Variants in GPR180 observed in about 807,000 individuals in gnomAD.
GPR180 encodes the protein integral membrane protein GPR180.
In GPR180, 53 loss-of-function variants were observed where a neutral mutation model predicts 52.6. The observed-to-expected ratio is 1.01, with a 90% CI of 0.81 to 1.27. GPR180 has a LOEUF of 1.27. GPR180 is among the 50% of genes most tolerant of loss of function. GPR180 has a pLI of 0.00. For missense variants in GPR180, 533 were observed against 527.0 expected, an observed-to-expected ratio of 1.01 and a Z score of -0.11; for synonymous variants, 200 against 193.1, an observed-to-expected ratio of 1.04 and a Z score of -0.30.
chr13:94,612,274 A>G lies in GPR180; in HGVS notation c.389A>G (p.Tyr130Cys), dbSNP rs1307062675. 1.6e-5 allele frequency: 26 copies of G among 1,613,848 alleles called. No individual in the cohort carries two copies. Among genetic ancestry groups the G allele is most frequent in the African/African-American group, 2.7e-5 (2 of 74,936 alleles). Residue 130 changes from tyrosine to cysteine, a missense_variant, in exon 3 of 9, where the codon TAT becomes TGT. Tyr to Cys is a radical substitution (Grantham distance 194, BLOSUM62 -2). Transcript: ENST00000376958. ...QTWHVFYADK[Y>C]TCQDDKENSQ... ...TGGCATGTGTTTTATGCAGACAAGTATACATGCCAAGATGACAAGGAGAAT... is the reference window on the plus strand; with the variant it reads ...TGGCATGTGTTTTATGCAGACAAGTGTACATGCCAAGATGACAAGGAGAAT...
intron 7 of GPR180, 151 bp downstream of exon 7, chr13:94,623,451 CAAGACAGACA>C: frequency 3.4e-6 from 2 of 591,156 alleles, no homozygotes; most frequent in Non-Finnish European, 5.8e-6. Flanking sequence ...TTTGGAAGGC[CAAGACAGACA>C]GATTGCTTGA....
rs1889973215 is a variant in GPR180 at position 94,629,931 on chromosome 13, T to A, written c.*2760T>A. 1 of 152,212 alleles carries A rather than the reference T, an allele frequency of 6.6e-6. No individual in the cohort carries two copies. The highest frequency in any genetic ancestry group is 2.4e-5 in the African/African-American group (1 of 41,446). The allele number at this position is 152,212 out of a possible 1,614,324, so 9.4% of individuals were successfully genotyped here. ...AACATGAACATGGGCTCCTTCAGCATGTTTCTTCTAGGAGACTGCACGTTC... is the reference window on the plus strand; with the variant it reads ...AACATGAACATGGGCTCCTTCAGCAAGTTTCTTCTAGGAGACTGCACGTTC... On this transcript the variant is annotated 3_prime_UTR_variant, in exon 9 of 9. Coordinates refer to ENST00000376958, the MANE Select transcript of GPR180 (RefSeq NM_180989.6).
In GPR180 at chr13:94,607,674, G is replaced by A. The variant is rs951733396; in HGVS notation, c.304+2125G>A. The stretch of plus-strand genomic sequence containing the variant: ...CTTCTGGTGTGTTCATTCACTGAGC[G>A]CTTCCACTGTTTCATGTACTGCTAG... On this transcript the variant is annotated intron_variant, in intron 2 of 8. Transcript: ENST00000376958. Among the ~76,000 whole-genome samples, 24 of 151,864 alleles carry A rather than the reference G, an allele frequency of 1.6e-4. 1 individual carries two copies. In the South Asian group the frequency reaches 2.7e-3, roughly 17 times the overall value.
chr13:94,602,347 C>T lies in GPR180; in HGVS notation c.145+275C>T, dbSNP rs187679024. 3.9e-5 allele frequency among the ~76,000 whole-genome samples: 6 copies of T among 152,364 alleles called. No homozygotes were observed. In the East Asian group the frequency reaches 9.6e-4, roughly 24 times the overall value. On this transcript the variant is annotated intron_variant, in intron 1 of 8. Transcript: ENST00000376958. ...AAAGCTGGTTTCCATTTCCCCAACC[C>T]TCCCCTTGGAAGCCAATGTGCAAAA...
At chr13:94,604,385 C>T (rs955860756) in intron 1 of GPR180, among the ~76,000 whole-genome samples, 6 of 149,282 alleles carry the variant, frequency 4.0e-5, no homozygotes, top group Non-Finnish European at 7.4e-5. Context: ...CATGGTGAAA[C>T]GCTGTCTCTA....
chr13:94,615,658 T>C (rs1204501901), intron 3 of GPR180, among the ~76,000 whole-genome samples: 5 of 152,208 alleles, frequency 3.3e-5, no homozygotes, highest in Admixed American at 6.5e-5. Flanking sequence ...GTTAACTGTA[T>C]TTGTACTCTA....
intron 7 of GPR180, among the ~76,000 whole-genome samples, chr13:94,624,198 T>G (rs969615588): frequency 2.0e-5 from 3 of 152,126 alleles, no homozygotes; most frequent in African/African-American, 7.2e-5. Context: ...TATAGAACCT[T>G]CCCTCCCTAG....
chr13:94,613,754 C>T (rs979666769), intron 3 of GPR180, among the ~76,000 whole-genome samples: 1 of 151,836 alleles, frequency 6.6e-6, no homozygotes, highest in Admixed American at 6.6e-5. Context: ...CCTTTCATTT[C>T]CTTAATCTTT....
intron 5 of GPR180, among the ~76,000 whole-genome samples, chr13:94,620,346 C>T (rs1889836125): frequency 6.6e-6 from 1 of 152,170 alleles, no homozygotes; most frequent in East Asian, 1.9e-4. Context: ...TAAATGCTAC[C>T]TCATAAAATA....
At chr13:94,626,905 GAT>G (rs908304584) in intron 8 of GPR180, 106 bp from the exon 9 acceptor site, 4 of 790,342 alleles carry the variant, frequency 5.1e-6, no homozygotes, top group Admixed American at 6.9e-5. Context: ...AAAGATGAAA[GAT>G]AGAGTATTGT....
chr13:94,627,374 C>A lies in GPR180; in HGVS notation c.*203C>A. ...AATGTTTTGAAATATACTTAAACAACAAACTTTGAAGAAAGTGTTGTTATA... is the reference window on the plus strand; with the variant it reads ...AATGTTTTGAAATATACTTAAACAAAAAACTTTGAAGAAAGTGTTGTTATA... On this transcript the variant is annotated 3_prime_UTR_variant, in exon 9 of 9. Transcript: ENST00000376958. 2.1e-6 allele frequency: 1 copy of A among 468,206 alleles called. No individual in the cohort carries two copies. Among genetic ancestry groups the A allele is most frequent in the Non-Finnish European group, 3.7e-6 (1 of 270,040 alleles). 29.0% of individuals were successfully genotyped at this position (468,206 alleles called of 1,614,324 possible).
chr13:94,631,677 A>G lies in GPR180; in HGVS notation c.*4506A>G, dbSNP rs1890000723. 6.7e-6 allele frequency: 1 copy of G among 150,196 alleles called. No individual in the cohort carries two copies. 9.3% of individuals were successfully genotyped at this position (150,196 alleles called of 1,614,324 possible). The stretch of plus-strand genomic sequence containing the variant: ...TGAAGGCAATGCTGAAAAAGTTCCA[A>G]ATCTGTACTTAACAGTGTAGTATTA... On this transcript the variant is annotated 3_prime_UTR_variant, in exon 9 of 9. Transcript: ENST00000376958.
Position 94,630,268 on chromosome 13 carries a change from G to A in GPR180, c.*3097G>A, listed in dbSNP as rs1004181389. The A allele has an allele frequency of 3.3e-5, 5 of 152,130 alleles. No homozygotes were observed. The highest frequency in any genetic ancestry group is 1.2e-4 in the African/African-American group (5 of 41,426). 9.4% of individuals were successfully genotyped at this position (152,130 alleles called of 1,614,324 possible). On this transcript the variant is annotated 3_prime_UTR_variant, in exon 9 of 9. Transcript: ENST00000376958. ...GGCAGCCTTCTGCACAGCTCCAGGG[G>A]CATCATATGTGTTGTGCTGTAGGAG...
rs1890013440 is a variant in GPR180 at position 94,632,627 on chromosome 13, A to G, written c.*5456A>G. ...GCCAAGACTTCCTTCCCTCCTCCCA[A>G]AATGCCTCCACTCCAGGTTCCAGGT... On this transcript the variant is annotated 3_prime_UTR_variant, in exon 9 of 9. Coordinates refer to ENST00000376958, the MANE Select transcript of GPR180 (RefSeq NM_180989.6). 3 of 152,134 alleles carry G rather than the reference A, an allele frequency of 2.0e-5. No individual in the cohort carries two copies. The highest frequency in any genetic ancestry group is 4.4e-5 in the Non-Finnish European group (3 of 68,036). The allele number at this position is 152,134 out of a possible 1,614,324, so 9.4% of individuals were successfully genotyped here.
intron 7 of GPR180, among the ~76,000 whole-genome samples, chr13:94,623,947 TATTA>T (rs1003550887): frequency 7.9e-5 from 12 of 152,192 alleles, no homozygotes; most frequent in Admixed American, 2.0e-4. Context: ...TCTCAACAGT[TATTA>T]ATTGACTATA....
rs1224888672 is a variant in GPR180 at position 94,633,735 on chromosome 13, T to C, written c.*6564T>C. On this transcript the variant is annotated 3_prime_UTR_variant, in exon 9 of 9. Coordinates refer to ENST00000376958, the MANE Select transcript of GPR180 (RefSeq NM_180989.6). ...TTATCAGTCTTTCATTTTTTTCTTC[T>C]GTGTTCTACCTGTTTCACAGGTAGA... 1.3e-5 allele frequency: 2 copies of C among 152,034 alleles called. No homozygotes were observed. Among genetic ancestry groups the C allele is most frequent in the Non-Finnish European group, 2.9e-5 (2 of 68,016 alleles). The allele number at this position is 152,034 out of a possible 1,614,324, so 9.4% of individuals were successfully genotyped here.
chr13:94,613,447 A>T (rs966157753), intron 3 of GPR180, among the ~76,000 whole-genome samples: 1 of 152,136 alleles, frequency 6.6e-6, no homozygotes, highest in African/African-American at 2.4e-5. Flanking sequence ...ATGGTGTGCT[A>T]ATTTTTTTTA....
In GPR180 at chr13:94,602,036, G is replaced by A; in HGVS notation, c.109G>A (p.Ala37Thr). The A allele has an allele frequency of 6.9e-7, 1 of 1,446,610 alleles. No individual in the cohort carries two copies. The allele number at this position is 1,446,610 out of a possible 1,614,324, so 89.6% of individuals were successfully genotyped here. The change falls in exon 1 of 9, where the codon GCC becomes ACC. Residue 37 changes from alanine (A) to threonine (T), a missense_variant. Transcript: ENST00000376958. ...GSFSSTAAQDAQGQRIGHFEF... is the reference protein window; with the variant it reads ...GSFSSTAAQDTQGQRIGHFEF... ...CTTCAGCAGCACCGCGGCCCAGGAC[G>A]CCCAGGGCCAGCGCATCGGCCACTT... is the stretch of plus-strand genomic sequence containing the variant.
chr13:94,611,271 C>A (rs1267695429), intron 2 of GPR180, among the ~76,000 whole-genome samples: 1 of 151,948 alleles, frequency 6.6e-6, no homozygotes, highest in Non-Finnish European at 1.5e-5. Flanking sequence ...TAAAGAACAA[C>A]CAATCAGAAA....
Sources: allele counts gnomAD v4.1 joint callset (sites outside exome capture counted in the v4.1 genomes callset), GRCh38; gene constraint gnomAD v4.1.1; transcripts MANE v1.5; gene names NCBI Gene and HGNC (gene_info 2026-07-23, HGNC 2026-07-21).